TLE4: variants seen among roughly 807,000 people sequenced by gnomAD.
TLE4 encodes the protein transducin-like enhancer protein 4.
In TLE4, 8 loss-of-function variants were observed where a neutral mutation model predicts 92.8. That is an observed-to-expected ratio of 0.09 (90% confidence interval 0.05 to 0.16). The LOEUF is 0.16. Ranked by LOEUF, TLE4 falls within the 10% of genes least tolerant of loss-of-function variation. The pLI, the probability that TLE4 is intolerant of heterozygous loss-of-function variation, is 1.00. For missense variants in TLE4, 675 were observed against 997.6 expected, an observed-to-expected ratio of 0.68 and a Z score of 4.36; for synonymous variants, 371 against 374.1, an observed-to-expected ratio of 0.99 and a Z score of 0.10.
chr9:79,648,188 A>C (rs1033212928), intron 6 of TLE4, among the ~76,000 whole-genome samples: 2 of 152,170 alleles, frequency 1.3e-5, no homozygotes, highest in Admixed American at 6.5e-5. Context: ...TTGGAACCAG[A>C]GAGTAACTAT....
chr9:79,640,406 A>G (rs1024376855), intron 6 of TLE4, among the ~76,000 whole-genome samples: 6 of 152,046 alleles, frequency 3.9e-5, no homozygotes, highest in African/African-American at 1.4e-4. Context: ...GGCTGGTAGG[A>G]TTATGTGTGG....
intron 4 of TLE4, among the ~76,000 whole-genome samples, chr9:79,595,936 T>A (rs1487217276): frequency 2.7e-5 from 4 of 150,840 alleles, no homozygotes; most frequent in Admixed American, 2.0e-4. Flanking sequence ...AGGCTCTGCC[T>A]CCCGGGTTCA....
chr9:79,581,614 A>T (rs1237998358), intron 4 of TLE4, among the ~76,000 whole-genome samples: 2 of 152,194 alleles, frequency 1.3e-5, no homozygotes, highest in Non-Finnish European at 2.9e-5. Flanking sequence ...TCTCATAATG[A>T]TCCTAAGACA....
chr9:79,723,073 T>A (rs759078465), intron 19 of TLE4, 38 bp downstream of exon 19: 2 of 1,573,770 alleles, frequency 1.3e-6, no homozygotes, highest in South Asian at 1.1e-5. Flanking sequence ...TATGTTTGTT[T>A]AATCAAACTC....
intron 5 of TLE4, among the ~76,000 whole-genome samples, chr9:79,617,635 C>G (rs1487113093): frequency 6.6e-6 from 1 of 152,158 alleles, no homozygotes; most frequent in African/African-American, 2.4e-5. Flanking sequence ...AGACCCAGGA[C>G]TAAATCTTGG....
At position 79,721,728 on chromosome 9, in the gene TLE4, T is replaced by C; in HGVS notation, c.1839-13T>C. 1 of 1,613,830 alleles carries C rather than the reference T, an allele frequency of 6.2e-7. No individual in the cohort carries two copies. The highest frequency in any genetic ancestry group is 8.5e-7 in the Non-Finnish European group (1 of 1,179,942). On this transcript the variant is annotated splice_polypyrimidine_tract_variant and intron_variant, in intron 16 of 19. Transcript: ENST00000376552. ...ACTTTTCAAGGGCTTTCCCTCCATT[T>C]TGACATTTTCAGGCAATTCCAGGGC... is the stretch of plus-strand genomic sequence containing the variant.
intron 14 of TLE4, among the ~76,000 whole-genome samples, chr9:79,715,638 C>T (rs1044148082): frequency 6.6e-6 from 1 of 152,164 alleles, no homozygotes. Context: ...ACCCCCTCTT[C>T]CACCTTGTTG....
At chr9:79,647,874 T>G (rs1002320827) in intron 6 of TLE4, among the ~76,000 whole-genome samples, 1 of 151,820 alleles carries the variant, frequency 6.6e-6, no homozygotes, top group South Asian at 2.1e-4. Flanking sequence ...TGGAGATTAC[T>G]TTGAGCCGGG....
chr9:79,580,875 A>AG (rs2039465376), intron 4 of TLE4, among the ~76,000 whole-genome samples: 1 of 152,170 alleles, frequency 6.6e-6, no homozygotes, highest in Non-Finnish European at 1.5e-5. Context: ...AACAATCTAG[A>AG]GGGCCTGAAT....
chr9:79,600,448 G>A (rs1433771326), intron 4 of TLE4, among the ~76,000 whole-genome samples: 1 of 152,028 alleles, frequency 6.6e-6, no homozygotes, highest in Non-Finnish European at 1.5e-5. Context: ...AATGGTAGTG[G>A]ACTTTGTGTG....
At chr9:79,644,623 G>A (rs74579364) in intron 6 of TLE4, among the ~76,000 whole-genome samples, 5 of 152,312 alleles carry the variant, frequency 3.3e-5, no homozygotes, top group East Asian at 1.9e-4. Flanking sequence ...CACCTAGCCC[G>A]ACTTACAGAC....
chr9:79,601,159 A>G (rs1358411983), intron 4 of TLE4, among the ~76,000 whole-genome samples: 1 of 152,226 alleles, frequency 6.6e-6, no homozygotes, highest in Non-Finnish European at 1.5e-5. Flanking sequence ...GGAAGCTTTA[A>G]TCATTTATTC....
chr9:79,641,146 T>C (rs2057060249), intron 6 of TLE4, among the ~76,000 whole-genome samples: 1 of 150,190 alleles, frequency 6.7e-6, no homozygotes, highest in African/African-American at 2.4e-5. Flanking sequence ...AAGAATCTTT[T>C]TTTTTTTTCT....
At chr9:79,633,864 G>T (rs889975000) in intron 6 of TLE4, among the ~76,000 whole-genome samples, 1 of 152,144 alleles carries the variant, frequency 6.6e-6, no homozygotes, top group Non-Finnish European at 1.5e-5. Context: ...GGCTATAAGA[G>T]ACAGTCTCAC....
chr9:79,718,764 T>C lies in TLE4; in HGVS notation c.1383T>C (p.Pro461=), dbSNP rs368091924. 2 of 1,614,070 alleles carry C rather than the reference T, an allele frequency of 1.2e-6. No individual in the cohort carries two copies. The highest frequency in any genetic ancestry group is 2.7e-5 in the African/African-American group (2 of 74,918). ...TTAGCGCAGATGGTCAGATGCAGCCTGTCCCTTTTCCACCCGACGCCCTCA... is the reference window on the plus strand; with the variant it reads ...TTAGCGCAGATGGTCAGATGCAGCCCGTCCCTTTTCCACCCGACGCCCTCA... The part of the protein sequence containing the change: ...FHVSADGQMQ[P]VPFPPDALIG... The change falls in exon 15 of 20, where the codon CCT becomes CCC. Residue 461 remains proline (P), a synonymous_variant. Coordinates refer to ENST00000376552, the MANE Select transcript of TLE4 (RefSeq NM_007005.6).
intron 4 of TLE4, among the ~76,000 whole-genome samples, chr9:79,597,536 T>A (rs1284290055): frequency 2.6e-5 from 4 of 152,102 alleles, no homozygotes; most frequent in African/African-American, 9.7e-5. Flanking sequence ...GCCTTGAATG[T>A]CTCATAGATA....
chr9:79,705,815 G>A, intron 9 of TLE4, 74 bp from the exon 10 acceptor site: 1 of 1,428,420 alleles, frequency 7.0e-7, no homozygotes, highest in South Asian at 1.1e-5. Context: ...TGAGGAATTA[G>A]TCTGGACTTA....
intron 8 of TLE4, among the ~76,000 whole-genome samples, chr9:79,656,797 A>C: frequency 6.6e-6 from 1 of 152,354 alleles, no homozygotes; most frequent in South Asian, 2.1e-4. Flanking sequence ...TATAAACTAT[A>C]AATTTAAACT....
At chr9:79,662,956 C>T (rs1297327487) in intron 8 of TLE4, among the ~76,000 whole-genome samples, 1 of 152,088 alleles carries the variant, frequency 6.6e-6, no homozygotes, top group Non-Finnish European at 1.5e-5. Flanking sequence ...CTGTGTTCTC[C>T]CCCTCACCCA....
Sources: gnomAD v4.1 joint callset for allele counts (sites outside exome capture counted in the v4.1 genomes callset) on GRCh38, gnomAD v4.1.1 for gene constraint, MANE v1.5 for transcripts, NCBI Gene and HGNC (gene_info 2026-07-23, HGNC 2026-07-21) for gene names.